Variants in BCAR3 observed in about 807,000 individuals in gnomAD.
BCAR3 encodes the protein BCAR3 adaptor protein, NSP family member, also known as breast cancer anti-estrogen resistance protein 3.
In BCAR3, 37 loss-of-function variants were observed where a neutral mutation model predicts 80.1. That is an observed-to-expected ratio of 0.46 (90% confidence interval 0.36 to 0.61). The LOEUF is 0.61. Among genes scored for constraint, BCAR3 ranks in the 20% least tolerant of loss-of-function variants. BCAR3 has a pLI of 0.00. For missense variants in BCAR3, 978 were observed against 1,068.2 expected (o/e 0.92, Z 1.18); for synonymous variants, 389 against 418.9 (o/e 0.93, Z 0.87).
At chr1:93,827,454 C>G (rs1025301479) in intron 2 of BCAR3, among the ~76,000 whole-genome samples, 1 of 152,088 alleles carries the variant, frequency 6.6e-6, no homozygotes, top group African/African-American at 2.4e-5. Context: ...GACTGTGACC[C>G]AGCTCCCTCC....
intron 3 of BCAR3, among the ~76,000 whole-genome samples, chr1:93,625,065 G>A (rs1363335239): frequency 6.6e-6 from 1 of 152,172 alleles, no homozygotes; most frequent in Non-Finnish European, 1.5e-5. Context: ...AAAAAAATTA[G>A]CCAGGCATGG....
At chr1:93,598,957 G>A (rs1674529433) in intron 3 of BCAR3, 2 of 152,178 alleles carry the variant, frequency 1.3e-5, no homozygotes, top group Admixed American at 6.5e-5. Context: ...CTGGCTAGGA[G>A]GAGAGGGCTA....
chr1:93,666,237 C>A (rs949162585), intron 2 of BCAR3, among the ~76,000 whole-genome samples: 2 of 152,194 alleles, frequency 1.3e-5, no homozygotes, highest in African/African-American at 4.8e-5. Context: ...AATAAAAACA[C>A]AACGTGAGCC....
chr1:93,644,947 CTCTATTGCTTTT>C (rs1676108579), intron 2 of BCAR3, among the ~76,000 whole-genome samples: 1 of 152,174 alleles, frequency 6.6e-6, no homozygotes, highest in South Asian at 2.1e-4. Context: ...AAAGGGTCTC[CTCTATTGCTTTT>C]TCTCTCAGAA....
intron 3 of BCAR3, chr1:93,599,068 T>G (rs1674535426): frequency 6.6e-6 from 1 of 152,222 alleles, no homozygotes; most frequent in African/African-American, 2.4e-5. Context: ...AAGCATGCGT[T>G]CTGACCCCAC....
chr1:93,649,892 C>T (rs1676267104), intron 2 of BCAR3, among the ~76,000 whole-genome samples: 2 of 151,124 alleles, frequency 1.3e-5, no homozygotes, highest in East Asian at 1.9e-4. Flanking sequence ...CCCACTCTAC[C>T]CGCAACCAAA....
chr1:93,564,832 A>G (rs1672876920), intron 11 of BCAR3, among the ~76,000 whole-genome samples: 2 of 152,154 alleles, frequency 1.3e-5, no homozygotes, highest in African/African-American at 4.8e-5. Flanking sequence ...GTGTGGGCCT[A>G]TTTCTTAACT....
chr1:93,632,536 T>C (rs927004681), intron 3 of BCAR3, among the ~76,000 whole-genome samples: 2 of 152,224 alleles, frequency 1.3e-5, no homozygotes, highest in African/African-American at 4.8e-5. Context: ...TTAGGTGTAT[T>C]AAATGCATTT....
chr1:93,697,611 A>G (rs1222770297), intron 3 of BCAR3, among the ~76,000 whole-genome samples: 1 of 152,180 alleles, frequency 6.6e-6, no homozygotes. Flanking sequence ...CAGAGAGAAT[A>G]CTATACAATT....
chr1:93,754,043 C>A (rs1442412234), intron 2 of BCAR3: 1 of 152,208 alleles, frequency 6.6e-6, no homozygotes, highest in Non-Finnish European at 1.5e-5. Flanking sequence ...ACTTTTCACT[C>A]CTCAGCAAAG....
At chr1:93,595,912 T>C (rs1034073243) in intron 3 of BCAR3, among the ~76,000 whole-genome samples, 9 of 152,362 alleles carry the variant, frequency 5.9e-5, no homozygotes, top group Middle Eastern at 3.4e-3. Context: ...CTGGTGACAG[T>C]GTATCCTTTC....
rs371561089 is a variant in BCAR3 at position 93,726,060 on chromosome 1, C to CT, written c.-62-19919dup. ...ATTCTTCTTCTTCAGAGGTTATTAG[C>CT]TTTTTTTTTTGTTTTTTTGTTTTTG... On this transcript the variant is annotated intron_variant, in intron 2 of 13. Coordinates refer to the BCAR3 transcript ENST00000370244. Among the ~76,000 whole-genome samples, 587 of 148,042 alleles carry CT rather than the reference C, an allele frequency of 4.0e-3. 4 individuals are homozygous for CT. The highest frequency in any genetic ancestry group is 0.012 in the African/African-American group (493 of 40,430).
chr1:93,700,909 C>T (rs1308379362), intron 3 of BCAR3, among the ~76,000 whole-genome samples: 3 of 152,220 alleles, frequency 2.0e-5, no homozygotes, highest in Non-Finnish European at 4.4e-5. Context: ...GTCTGCCGTC[C>T]CCTCAGGACC....
chr1:93,581,973 C>T (rs1462688630), intron 7 of BCAR3, among the ~76,000 whole-genome samples: 1 of 152,190 alleles, frequency 6.6e-6, no homozygotes, highest in African/African-American at 2.4e-5. Flanking sequence ...GATTCTGTTG[C>T]AGCTGCTGAT....
chr1:93,570,646 A>G (rs1673174869), intron 9 of BCAR3, among the ~76,000 whole-genome samples: 1 of 152,236 alleles, frequency 6.6e-6, no homozygotes, highest in Admixed American at 6.5e-5. Flanking sequence ...TTAATAGGAC[A>G]GTCTGTTTTA....
chr1:93,734,719 G>A (rs1650916459), intron 2 of BCAR3, among the ~76,000 whole-genome samples: 1 of 152,178 alleles, frequency 6.6e-6, no homozygotes, highest in African/African-American at 2.4e-5. Context: ...GGAAGCCAAG[G>A]CAGGGATTCA....
chr1:93,641,414 G>T (rs1319649536), intron 3 of BCAR3, among the ~76,000 whole-genome samples: 1 of 152,160 alleles, frequency 6.6e-6, no homozygotes, highest in Non-Finnish European at 1.5e-5. Context: ...TCTAACTCTT[G>T]CTACGATTTC....
chr1:93,777,402 TTCCTCCTCCTCTTCCTCCTCCTCTTCC>T (rs1652598924), intron 2 of BCAR3, among the ~76,000 whole-genome samples: 3 of 119,128 alleles, frequency 2.5e-5, no homozygotes, highest in African/African-American at 4.4e-5. Flanking sequence ...CTTCTTCCTC[TTCCTCCTCCTCTTCCTCCTCCTCTTCC>T]TCCTCCTCCT....
intron 2 of BCAR3, among the ~76,000 whole-genome samples, chr1:93,818,197 C>T (rs567688486): frequency 5.1e-4 from 78 of 152,340 alleles, no homozygotes; most frequent in African/African-American, 1.8e-3. Context: ...TTTCTTAACA[C>T]GTACATCAGT....
Sources: allele counts gnomAD v4.1 joint callset (sites outside exome capture counted in the v4.1 genomes callset), GRCh38; gene constraint gnomAD v4.1.1; transcripts MANE v1.5; gene names NCBI Gene and HGNC (gene_info 2026-07-23, HGNC 2026-07-21).